SLC19A1: variants seen among roughly 807,000 people sequenced by gnomAD.
SLC19A1 encodes the protein solute carrier family 19 member 1.
A neutral mutation model predicts 35.3 loss-of-function variants in SLC19A1; 37 were observed. The observed-to-expected ratio is 1.05, with a 90% CI of 0.81 to 1.38. The LOEUF is 1.38. Among genes scored for constraint, SLC19A1 ranks in the 40% most tolerant of loss-of-function variants. The probability of loss-of-function intolerance (pLI) is 0.00; values close to 1 mark genes in which losing one functional copy is unlikely to be tolerated. For missense variants in SLC19A1, 831 were observed against 826.9 expected, an observed-to-expected ratio of 1.00 and a Z score of -0.06; for synonymous variants, 460 against 398.5, an observed-to-expected ratio of 1.15 and a Z score of -1.84.
At chr21:45,504,126 T>G in intron 3 of SLC19A1, 1 of 1,536,018 alleles carries the variant, frequency 6.5e-7, no homozygotes, top group Non-Finnish European at 9.0e-7. Context: ...GCTCCCAATT[T>G]CTCGCCCCAT....
chr21:45,540,331 C>G lies in SLC19A1; in HGVS notation c.-50+2037G>C, dbSNP rs2078264713. On this transcript the variant is annotated intron_variant, in intron 1 of 5. Coordinates refer to ENST00000311124, the MANE Select transcript of SLC19A1 (RefSeq NM_194255.4). This position sits in a 1 kb window ranked among gnomAD's most constrained non-coding sequence, Gnocchi z 5.5. ...GCAGACAACGGGGAGCCATCAGGAG[C>G]TGAACTAAGCCCAGGGTCTGCGCCC... Among the ~76,000 whole-genome samples, 1 of 152,194 alleles carries G rather than the reference C, an allele frequency of 6.6e-6. No individual in the cohort carries two copies. The highest frequency in any genetic ancestry group is 6.5e-5 in the Admixed American group (1 of 15,284).
intron 1 of SLC19A1, among the ~76,000 whole-genome samples, chr21:45,553,606 A>G (rs1377086461): frequency 1.4e-5 from 2 of 146,206 alleles, no homozygotes; most frequent in Non-Finnish European, 3.0e-5. Context: ...TCTGCACCCA[A>G]GACACACTCA....
chr21:45,504,145 A>G, intron 3 of SLC19A1: 2 of 1,450,034 alleles, frequency 1.4e-6, no homozygotes, highest in Non-Finnish European at 1.9e-6. Context: ...ATCCGGCCCA[A>G]GCCCCCTTCC....
intron 2 of SLC19A1, chr21:45,536,017 C>G: frequency 3.6e-6 from 1 of 280,264 alleles, no homozygotes; most frequent in Non-Finnish European, 5.6e-6. Context: ...CACCCCGGCG[C>G]CCACGTGCCT....
At chr21:45,543,723 G>T (rs1390192928), upstream of SLC19A1, 1 of 152,416 alleles carries the variant, frequency 6.6e-6, no homozygotes, top group Non-Finnish European at 1.5e-5. Flanking sequence ...GGAAATGGGG[G>T]ATCTGGGGTA....
Position 45,531,909 on chromosome 21 carries a change from G to A in SLC19A1, c.429C>T (p.Leu143=), listed in dbSNP as rs761216668. 2 of 1,593,558 alleles carry A rather than the reference G, an allele frequency of 1.3e-6. No homozygotes were observed. The highest frequency in any genetic ancestry group is 8.5e-7 in the Non-Finnish European group (1 of 1,170,850). Residue 143 remains leucine, a synonymous_variant, in exon 3 of 6, where the codon CTC becomes CTT. Transcript: ENST00000311124. Reference sequence around the variant, plus strand: ...CACGCTGGTAGCGCGCGGGCCGCACGAGAGAGAAGATGTAGGAGGAATAGG... The same window carrying A: ...CACGCTGGTAGCGCGCGGGCCGCACAAGAGAGAAGATGTAGGAGGAATAGG... ...RIAYSSYIFS[L]VRPARYQRVA...
chr21:45,535,583 C>T (rs1040052515), intron 2 of SLC19A1, among the ~76,000 whole-genome samples: 9 of 152,286 alleles, frequency 5.9e-5, no homozygotes, highest in East Asian at 1.9e-4. Flanking sequence ...GTGAGGGGAA[C>T]GTGGGCAGCC....
chr21:45,529,361 A>G (rs978113577), intron 4 of SLC19A1, among the ~76,000 whole-genome samples: 1 of 152,214 alleles, frequency 6.6e-6, no homozygotes, highest in Non-Finnish European at 1.5e-5. Context: ...CGTGACCAGC[A>G]TAAGGCCCAG....
At chr21:45,548,228 C>T (rs1428669883), upstream of SLC19A1, among the ~76,000 whole-genome samples, 1 of 152,176 alleles carries the variant, frequency 6.6e-6, no homozygotes, top group East Asian at 1.9e-4. Context: ...GGAAGATGAA[C>T]ATCAGACTTT....
At chr21:45,504,888 C>T (rs1274164861) in intron 3 of SLC19A1, among the ~76,000 whole-genome samples, 2 of 149,528 alleles carry the variant, frequency 1.3e-5, no homozygotes, top group Non-Finnish European at 3.0e-5. Context: ...CCATGGGCCC[C>T]AGCTACTGCC....
chr21:45,541,759 C>T (rs2078311647), intron 1 of SLC19A1: 4 of 152,218 alleles, frequency 2.6e-5, no homozygotes, highest in Admixed American at 2.6e-4. Flanking sequence ...GGGGCCCGCC[C>T]CACGCGTGGC....
intron 3 of SLC19A1, chr21:45,503,830 AC>A (rs1275442083): frequency 4.4e-5 from 19 of 434,598 alleles, no homozygotes; most frequent in Non-Finnish European, 7.4e-5. Flanking sequence ...ATAAAAAGGC[AC>A]CATTAACAAA....
downstream of SLC19A1, among the ~76,000 whole-genome samples, chr21:45,508,176 G>A (rs906342398): frequency 6.6e-6 from 1 of 151,194 alleles, no homozygotes; most frequent in African/African-American, 2.4e-5. Flanking sequence ...GGTAGCTGGG[G>A]AGATGGATGG....
intron 3 of SLC19A1, among the ~76,000 whole-genome samples, chr21:45,503,200 G>A: frequency 6.6e-6 from 1 of 152,272 alleles, no homozygotes; most frequent in East Asian, 1.9e-4. Flanking sequence ...GTGTAAAAGT[G>A]TTCCTATTTC....
intron 3 of SLC19A1, chr21:45,504,569 CTG>C: frequency 6.4e-7 from 1 of 1,565,952 alleles, no homozygotes; most frequent in Non-Finnish European, 8.6e-7. Context: ...AAGTCCCAGC[CTG>C]TGCAGGCAGA....
chr21:45,506,295 C>T lies in SLC19A1; in HGVS notation c.498-7683G>A, dbSNP rs554535810. On this transcript the variant is annotated intron_variant, in intron 3 of 4. Transcript: ENST00000417954. ...AGACAAGGCGCCTGACGGGACGAGG[C>T]GGCAGGGGGGCTCAGGCCCTCCAGG... The T allele has an allele frequency of 8.0e-5, 30 of 376,898 alleles. 1 individual carries two copies. The East Asian group carries it at 8.4e-4, about 11-fold the overall frequency. 23.3% of individuals were successfully genotyped at this position (376,898 alleles called of 1,614,324 possible).
chr21:45,538,983 G>C (rs1869228266), intron 1 of SLC19A1, among the ~76,000 whole-genome samples: 1 of 152,172 alleles, frequency 6.6e-6, no homozygotes, highest in Admixed American at 6.5e-5. Context: ...CAGGAGAAAG[G>C]CTCCTCCGGT....
chr21:45,519,472 G>A (rs369123358), intron 5 of SLC19A1, among the ~76,000 whole-genome samples: 36 of 147,972 alleles, frequency 2.4e-4, no homozygotes, highest in African/African-American at 8.7e-4. Context: ...AGATAGGAAG[G>A]TTGAAAGTAA....
chr21:45,512,149 C>A (rs368710206), downstream of SLC19A1: 2 of 1,586,866 alleles, frequency 1.3e-6, no homozygotes, highest in African/African-American at 2.7e-5. Flanking sequence ...CTAAGCAGAG[C>A]AGGTCTGGGT....
Sources: allele counts gnomAD v4.1 joint callset (sites outside exome capture counted in the v4.1 genomes callset), GRCh38; gene constraint gnomAD v4.1.1; non-coding constraint Gnocchi (gnomAD v3.1); transcripts MANE v1.5; gene names NCBI Gene and HGNC (gene_info 2026-07-23, HGNC 2026-07-21).